The following PDZRN3 variants were observed in gnomAD, a reference collection of about 807,000 sequenced individuals.
PDZRN3 encodes the protein PDZ domain containing ring finger 3.
Under a neutral mutation model 85.7 loss-of-function variants are expected in PDZRN3, and 38 were observed. The ratio of observed to expected loss-of-function variants is 0.44; its 90% confidence interval spans 0.34 to 0.58. PDZRN3 has a LOEUF of 0.58. Among genes scored for constraint, PDZRN3 ranks in the 20% least tolerant of loss-of-function variants. The pLI is 0.01. For synonymous variants in PDZRN3, 759 were observed against 638.0 expected (o/e 1.19, Z -2.86); for missense variants, 1,629 against 1,506.4 (o/e 1.08, Z -1.35).
At chr3:73,466,178 G>A (rs192906420) in intron 3 of PDZRN3, among the ~76,000 whole-genome samples, 57 of 152,232 alleles carry the variant, frequency 3.7e-4, no homozygotes, top group Admixed American at 6.5e-4. Context: ...CCCTACTAGA[G>A]GGTAACTCTC....
chr3:73,602,241 C>G, intron 3 of PDZRN3, 113 bp downstream of exon 3: 1 of 660,554 alleles, frequency 1.5e-6, no homozygotes, highest in Non-Finnish European at 2.7e-6. Flanking sequence ...GAGACTCCCG[C>G]TCAACCATCT....
chr3:73,610,538 T>C (rs1702667071), intron 1 of PDZRN3, among the ~76,000 whole-genome samples: 1 of 152,248 alleles, frequency 6.6e-6, no homozygotes, highest in South Asian at 2.1e-4. Context: ...TATGTCTTTC[T>C]ACTTAGGACG....
intron 3 of PDZRN3, chr3:73,474,382 G>T: frequency 1.2e-6 from 1 of 836,824 alleles, no homozygotes; most frequent in Non-Finnish European, 1.7e-6. Context: ...TATCGGTGGT[G>T]TATAATGAGC....
chr3:73,508,733 C>T (rs1173637152), intron 3 of PDZRN3, among the ~76,000 whole-genome samples: 4 of 152,076 alleles, frequency 2.6e-5, no homozygotes, highest in Non-Finnish European at 5.9e-5. Context: ...GAAATGTAAA[C>T]GTGGAGAACT....
At chr3:73,531,637 G>C (rs1279004005) in intron 3 of PDZRN3, among the ~76,000 whole-genome samples, 1 of 152,200 alleles carries the variant, frequency 6.6e-6, no homozygotes, top group Non-Finnish European at 1.5e-5. Flanking sequence ...CTCTCCTTCA[G>C]TCATTGGTGT....
intron 4 of PDZRN3, among the ~76,000 whole-genome samples, chr3:73,402,788 G>T (rs1575625321): frequency 6.6e-6 from 1 of 152,174 alleles, no homozygotes. Flanking sequence ...TTACCCAGTG[G>T]ATTCTCCTGT....
At chr3:73,557,868 C>T (rs539239645) in intron 3 of PDZRN3, among the ~76,000 whole-genome samples, 2 of 152,060 alleles carry the variant, frequency 1.3e-5, no homozygotes, top group Admixed American at 6.6e-5. Context: ...TTATGTCTTG[C>T]AGACAAGAGA....
chr3:73,396,360 T>C (rs1395072803), intron 5 of PDZRN3, among the ~76,000 whole-genome samples: 1 of 152,114 alleles, frequency 6.6e-6, no homozygotes, highest in Non-Finnish European at 1.5e-5. Flanking sequence ...CAGGCCGAGG[T>C]AGGTCCTGGT....
chr3:73,384,462 T>C lies in PDZRN3; in HGVS notation c.2104A>G (p.Ile702Val), dbSNP rs1185163547. 6.2e-7 allele frequency: 1 copy of C among 1,612,980 alleles called. No homozygotes were observed. The highest frequency in any genetic ancestry group is 1.1e-5 in the South Asian group (1 of 91,088). Residue 702 changes from isoleucine to valine, a missense_variant, in exon 10 of 10, where the codon ATC becomes GTC. Physicochemically the swap from Ile to Val is conservative, Grantham distance 29. Coordinates refer to ENST00000263666, the MANE Select transcript of PDZRN3 (RefSeq NM_015009.3). ...TGCTGCATCTTGTGGGCGCGCACGA[T>C]GCTCAGGCACTCCAGCTCGATGCTG... is the stretch of plus-strand genomic sequence containing the variant. Reference protein sequence around the residue: ...LRSIELECLSIVRAHKMQQLK... With the variant: ...LRSIELECLSVVRAHKMQQLK...
chr3:73,602,834 C>T (rs1342074096), intron 2 of PDZRN3, among the ~76,000 whole-genome samples: 1 of 152,156 alleles, frequency 6.6e-6, no homozygotes, highest in African/African-American at 2.4e-5. Context: ...TATGTCCTTG[C>T]CTCTCTCATT....
Position 73,383,682 on chromosome 3 carries a change from C to T in PDZRN3, c.2884G>A (p.Asp962Asn), listed in dbSNP as rs1194135231. 1 of 1,612,046 alleles carries T rather than the reference C, an allele frequency of 6.2e-7. No individual in the cohort carries two copies. Among genetic ancestry groups the T allele is most frequent in the Non-Finnish European group, 8.5e-7 (1 of 1,180,028 alleles). ...CCCATCTTCATCTCGCTCACCGCGT[C>T]GTCGTCGGTGGTCATGCCGCTGCGC... is the stretch of plus-strand genomic sequence containing the variant. ...EERSGMTTDD[D>N]AVSEMKMGRY... Residue 962 changes from aspartate to asparagine, a missense_variant, in exon 10 of 10, where the codon GAC (aspartate) becomes AAC (asparagine). By Grantham distance (23) the Asp-to-Asn change is conservative. Transcript: ENST00000263666.
At chr3:73,590,415 C>T (rs184424666) in intron 3 of PDZRN3, among the ~76,000 whole-genome samples, 94 of 152,174 alleles carry the variant, frequency 6.2e-4, no homozygotes, top group African/African-American at 2.0e-3. Flanking sequence ...AAAACAATTC[C>T]GTCTAACTTG....
chr3:73,505,755 T>C (rs1704058461), intron 3 of PDZRN3, among the ~76,000 whole-genome samples: 1 of 152,126 alleles, frequency 6.6e-6, no homozygotes, highest in Non-Finnish European at 1.5e-5. Context: ...TGATTTGATA[T>C]GTCCTCTTGT....
intron 3 of PDZRN3, among the ~76,000 whole-genome samples, chr3:73,406,181 C>T (rs1332890539): frequency 6.6e-6 from 1 of 152,170 alleles, no homozygotes; most frequent in Non-Finnish European, 1.5e-5. Flanking sequence ...AATTCCCCAT[C>T]CTGGAGGACT....
chr3:73,450,298 A>G (rs1006154217), intron 3 of PDZRN3, among the ~76,000 whole-genome samples: 6 of 152,232 alleles, frequency 3.9e-5, no homozygotes, highest in Admixed American at 3.9e-4. Context: ...AGAGCGTACT[A>G]AACATTCTCA....
At chr3:73,409,198 T>C (rs1231154973) in intron 3 of PDZRN3, among the ~76,000 whole-genome samples, 1 of 152,194 alleles carries the variant, frequency 6.6e-6, no homozygotes, top group African/African-American at 2.4e-5. Context: ...GCTGCAAATA[T>C]GACATGACAC....
intron 3 of PDZRN3, among the ~76,000 whole-genome samples, chr3:73,510,249 G>A (rs74892597): frequency 0.018 from 2,766 of 152,228 alleles, 90 homozygotes; most frequent in African/African-American, 0.063. Flanking sequence ...ACTCAAGCAC[G>A]ACCGTAATAA....
chr3:73,518,440 A>G (rs1407732682), intron 3 of PDZRN3, among the ~76,000 whole-genome samples: 1 of 152,228 alleles, frequency 6.6e-6, no homozygotes, highest in Non-Finnish European at 1.5e-5. Flanking sequence ...AAGGTTGTAC[A>G]ATAACATGAA....
chr3:73,542,705 T>C (rs1473677756), intron 3 of PDZRN3, among the ~76,000 whole-genome samples: 1 of 151,238 alleles, frequency 6.6e-6, no homozygotes, highest in Non-Finnish European at 1.5e-5. Context: ...ACCCGGGAGG[T>C]GGAGGTTGCA....
Sources: gnomAD v4.1 joint callset for allele counts (sites outside exome capture counted in the v4.1 genomes callset) on GRCh38, gnomAD v4.1.1 for gene constraint, MANE v1.5 for transcripts, NCBI Gene and HGNC (gene_info 2026-07-23, HGNC 2026-07-21) for gene names.